Variants in DDX46 observed in about 807,000 individuals in gnomAD.
The protein encoded by DDX46 is probable ATP-dependent RNA helicase DDX46.
DDX46 carries 30 observed loss-of-function variants against 134.9 expected under a neutral mutation model. That is an observed-to-expected ratio of 0.22 (90% confidence interval 0.17 to 0.30). The LOEUF is 0.30. Among genes scored for constraint, DDX46 ranks in the 10% least tolerant of loss-of-function variants. DDX46 has a pLI of 1.00. For synonymous variants in DDX46, 415 were observed against 404.1 expected (o/e 1.03, Z -0.32); for missense variants, 622 against 1,248.7 (o/e 0.50, Z 7.56).
intron 1 of DDX46, among the ~76,000 whole-genome samples, chr5:134,762,981 C>T (rs1753439821): frequency 6.6e-6 from 1 of 152,004 alleles, no homozygotes; most frequent in African/African-American, 2.4e-5. Flanking sequence ...ATGGTGTGAA[C>T]CCGGGAGGTG....
intron 4 of DDX46, among the ~76,000 whole-genome samples, chr5:134,771,752 T>C (rs1036922292): frequency 6.6e-6 from 1 of 152,036 alleles, no homozygotes; most frequent in Non-Finnish European, 1.5e-5. Flanking sequence ...TTCTTTTTAA[T>C]GCTGTAAGCT....
intron 15 of DDX46, among the ~76,000 whole-genome samples, chr5:134,800,182 A>G (rs565308796): frequency 3.9e-5 from 6 of 152,298 alleles, no homozygotes; most frequent in African/African-American, 1.4e-4. Flanking sequence ...GCCTGACCTC[A>G]AGTGATCCAC....
Position 134,780,138 on chromosome 5 carries a change from GTA to G in DDX46, c.766-991_766-990del, listed in dbSNP as rs1554148820. ...TGTGTGTGTGTGTGTGTGTGTGTGT[GTA>G]TATGTATATATGTGCATGTATATGT... On this transcript the variant is annotated intron_variant, in intron 6 of 22. Coordinates refer to ENST00000452510, the MANE Select transcript of DDX46 (RefSeq NM_001300860.2). Among the ~76,000 whole-genome samples the G allele has an allele frequency of 1.5e-3, 214 of 142,418 alleles. 1 individual carries two copies. The highest frequency in any genetic ancestry group is 0.014 in the Middle Eastern group (4 of 282). The allele number at this position is 142,418 out of a possible 152,430, so 93.4% of individuals were successfully genotyped here.
chr5:134,766,839 A>G (rs1753583234), intron 2 of DDX46, 78 bp from the exon 3 acceptor site: 16 of 1,471,882 alleles, frequency 1.1e-5, no homozygotes, highest in Non-Finnish European at 1.5e-5. Flanking sequence ...AGATTCTTTC[A>G]ATGTGGGACA....
At position 134,795,201 on chromosome 5, in the gene DDX46, CTTGTTTTTTTTTTTTT is replaced by C. The variant is rs1264193777; in HGVS notation, c.1791+201_1791+216del. ...CTGTTCCACGGAGCTATTTAAAATG[CTTGTTTTTTTTTTTTT>C]TTGTTTTTTTTTTGCTGGGTGCAGT... On this transcript the variant is annotated intron_variant, in intron 14 of 22. Transcript: ENST00000452510. 2.2e-3 allele frequency among the ~76,000 whole-genome samples: 305 copies of C among 138,156 alleles called. 1 individual carries two copies. The highest frequency in any genetic ancestry group is 3.7e-3 in the African/African-American group (125 of 33,496). The allele number at this position is 138,156 out of a possible 152,430, so 90.6% of individuals were successfully genotyped here.
At position 134,828,963 on chromosome 5, in the gene DDX46, C is replaced by T. The variant is rs2150165693; in HGVS notation, c.*257C>T. On this transcript the variant is annotated 3_prime_UTR_variant, in exon 23 of 23. Coordinates refer to ENST00000452510, the MANE Select transcript of DDX46 (RefSeq NM_001300860.2). Reference sequence around the variant, plus strand: ...ACTCAAATATCAATATTTTAAATGTCCGGATAATATTCTAGAGGTTTAAAA... The same window carrying T: ...ACTCAAATATCAATATTTTAAATGTTCGGATAATATTCTAGAGGTTTAAAA... The T allele has an allele frequency of 3.4e-6, 1 of 292,638 alleles. No homozygotes were observed. The highest frequency in any genetic ancestry group is 2.2e-5 in the African/African-American group (1 of 46,352). 18.1% of individuals were successfully genotyped at this position (292,638 alleles called of 1,614,324 possible).
chr5:134,779,443 C>T (rs1333989280), intron 6 of DDX46, among the ~76,000 whole-genome samples: 1 of 152,232 alleles, frequency 6.6e-6, no homozygotes. Context: ...ATCTGTCTGC[C>T]TTGGCCTCCC....
rs745507912 is a variant in DDX46 at position 134,782,897 on chromosome 5, C to T, written c.1046-48C>T. ...ATGCCTAATTGAAAAGTAGAAGACA[C>T]CAATAGAACAATATTTAAGAACTTT... On this transcript the variant is annotated intron_variant, in intron 8 of 22. Coordinates refer to ENST00000452510, the MANE Select transcript of DDX46 (RefSeq NM_001300860.2). 20 of 1,595,472 alleles carry T rather than the reference C, an allele frequency of 1.3e-5. No homozygotes were observed. In the South Asian group the frequency reaches 2.0e-4, roughly 16 times the overall value.
chr5:134,807,048 A>C (rs755887900), intron 15 of DDX46, among the ~76,000 whole-genome samples: 1 of 143,346 alleles, frequency 7.0e-6, no homozygotes, highest in Admixed American at 7.0e-5. Flanking sequence ...TAGATTCTGC[A>C]TTTCCTTTTT....
chr5:134,814,416 A>G (rs1253279490), intron 18 of DDX46, among the ~76,000 whole-genome samples: 2 of 152,232 alleles, frequency 1.3e-5, no homozygotes, highest in Admixed American at 1.3e-4. Context: ...AAATGTAAAC[A>G]GTACTTAACA....
Position 134,795,062 on chromosome 5 carries a change from G to T in DDX46, c.1791+48G>T, listed in dbSNP as rs190158187. On this transcript the variant is annotated intron_variant, in intron 14 of 22. Transcript: ENST00000452510. ...TCCCAGTTTCCTTGATACTTAGGTG[G>T]TATGTATGATTCTTCTATGATCACT... The T allele has an allele frequency of 3.7e-6, 6 of 1,601,092 alleles. No individual in the cohort carries two copies. The East Asian group carries it at 1.3e-4, about 36-fold the overall frequency.
intron 18 of DDX46, 85 bp from the exon 19 acceptor site, chr5:134,816,345 C>A: frequency 7.8e-7 from 1 of 1,285,256 alleles, no homozygotes; most frequent in Non-Finnish European, 1.1e-6. Context: ...TTGGTGGAAA[C>A]ATTCCTTATT....
At chr5:134,795,106 G>C (rs776228003) in intron 14 of DDX46, 92 bp downstream of exon 14, 3 of 1,473,998 alleles carry the variant, frequency 2.0e-6, no homozygotes, top group Non-Finnish European at 2.8e-6. Context: ...GGTAGGCAAG[G>C]TAATTTCTAA....
In DDX46 at chr5:134,773,707, G is replaced by A. The variant is rs376220576; in HGVS notation, c.459G>A (p.Gln153=). ...EKEKDAGNFD[Q]NKLEEEMRKR... is the part of the protein sequence containing the mutation. ...TTTATTCCCCCAAGAACTTTGACCA[G>A]AATAAGCTGGAAGAAGAAATGAGAA... The change falls in exon 5 of 23, where the codon CAG becomes CAA. Residue 153 remains glutamine, a synonymous_variant. Transcript: ENST00000452510. The A allele has an allele frequency of 9.3e-6, 15 of 1,605,672 alleles. No homozygotes were observed. In the African/African-American group the frequency reaches 1.8e-4, roughly 19 times the overall value.
At chr5:134,808,963 C>T (rs1755065522) in intron 16 of DDX46, among the ~76,000 whole-genome samples, 1 of 152,038 alleles carries the variant, frequency 6.6e-6, no homozygotes, top group African/African-American at 2.4e-5. Context: ...TATATAATGT[C>T]ATTTTATCCT....
intron 20 of DDX46, 61 bp downstream of exon 20, chr5:134,817,775 A>T (rs1222226641): frequency 7.1e-7 from 1 of 1,414,708 alleles, no homozygotes; most frequent in Non-Finnish European, 9.7e-7. Context: ...TGGAGGAAAA[A>T]TCTCATCTTT....
intron 6 of DDX46, 122 bp downstream of exon 6, chr5:134,777,847 A>G (rs1753995226): frequency 8.5e-7 from 1 of 1,176,264 alleles, no homozygotes; most frequent in Non-Finnish European, 1.2e-6. Flanking sequence ...TCCTCATCTG[A>G]GAGATGGCAG....
rs879550711 is a variant in DDX46, at chr5:134,795,204, G to GTTTTTT, written c.1791+200_1791+205dup. On this transcript the variant is annotated intron_variant, in intron 14 of 22. Coordinates refer to ENST00000452510, the MANE Select transcript of DDX46 (RefSeq NM_001300860.2). ...TTCCACGGAGCTATTTAAAATGCTT[G>GTTTTTT]TTTTTTTTTTTTTTTGTTTTTTTTT... Among the ~76,000 whole-genome samples, 347 of 125,688 alleles carry GTTTTTT rather than the reference G, an allele frequency of 2.8e-3. 16 individuals are homozygous for GTTTTTT. Among genetic ancestry groups the GTTTTTT allele is most frequent in the African/African-American group, 0.01 (336 of 33,086 alleles). 82.5% of individuals were successfully genotyped at this position (125,688 alleles called of 152,430 possible).
chr5:134,764,651 C>T (rs535709472), intron 2 of DDX46, among the ~76,000 whole-genome samples: 1 of 152,200 alleles, frequency 6.6e-6, no homozygotes, highest in South Asian at 2.1e-4. Flanking sequence ...TCCCTTGAAG[C>T]CCTCTGAGGG....
Sources: gnomAD v4.1 joint callset for allele counts (sites outside exome capture counted in the v4.1 genomes callset) on GRCh38, gnomAD v4.1.1 for gene constraint, MANE v1.5 for transcripts, NCBI Gene and HGNC (gene_info 2026-07-23, HGNC 2026-07-21) for gene names.